Variants in ARHGEF6 observed in about 807,000 individuals in gnomAD.
ARHGEF6 encodes the protein rho guanine nucleotide exchange factor 6.
Under a neutral mutation model 70.3 loss-of-function variants are expected in ARHGEF6, and 9 were observed. The ratio of observed to expected loss-of-function variants is 0.13; its 90% CI spans 0.08 to 0.22. The LOEUF (loss-of-function observed/expected upper bound fraction) is 0.22, where lower values mean the gene tolerates loss of function less well. Among genes scored for constraint, ARHGEF6 ranks in the 10% least tolerant of loss-of-function variants. The pLI is 1.00. For missense variants in ARHGEF6, 470 were observed against 563.0 expected (o/e 0.83, Z 1.67); for synonymous variants, 201 against 207.8 (o/e 0.97, Z 0.28).
intron 6 of ARHGEF6, among the ~76,000 whole-genome samples, chrX:136,724,272 G>A (rs891688833): frequency 9.3e-6 from 1 of 108,056 alleles, no homozygotes; most frequent in East Asian, 2.9e-4. Flanking sequence ...TAGAAGCGGG[G>A]TTTCACCATA....
intron 7 of ARHGEF6, among the ~76,000 whole-genome samples, chrX:136,710,275 G>A (rs1471078497): frequency 1.7e-4 from 18 of 104,577 alleles, no homozygotes; most frequent in African/African-American, 6.2e-4. Flanking sequence ...CTGCACTCCA[G>A]CCTGGGGGTG....
chrX:136,725,427 G>C (rs1323900833), intron 6 of ARHGEF6, among the ~76,000 whole-genome samples: 3 of 108,370 alleles, frequency 2.8e-5, no homozygotes, highest in Non-Finnish European at 5.7e-5. Context: ...GCTGTGGTTG[G>C]ATGAGCAGGA....
At chrX:136,725,327 G>A (rs1433288781) in intron 6 of ARHGEF6, among the ~76,000 whole-genome samples, 2 of 109,084 alleles carry the variant, frequency 1.8e-5, no homozygotes, top group Non-Finnish European at 3.8e-5. Context: ...AAATTAAAAT[G>A]ACAAAAGTGG....
chrX:136,673,788 G>A (rs755019764), intron 19 of ARHGEF6, among the ~76,000 whole-genome samples: 29 of 111,146 alleles, frequency 2.6e-4, no homozygotes, highest in South Asian at 7.7e-4. Flanking sequence ...GGCCAAATGC[G>A]TCAACTTTCA....
chrX:136,775,675 T>C (rs1292570588), intron 2 of ARHGEF6, among the ~76,000 whole-genome samples: 1 of 111,380 alleles, frequency 9.0e-6, no homozygotes, highest in Non-Finnish European at 1.9e-5. Flanking sequence ...CTGTTCAACA[T>C]AGTCCTGGAA....
chrX:136,684,049 T>C (rs928757662), intron 12 of ARHGEF6, among the ~76,000 whole-genome samples: 2 of 112,301 alleles, frequency 1.8e-5, no homozygotes, highest in Non-Finnish European at 3.8e-5. Flanking sequence ...TTCTCTGCAT[T>C]GATCCATCCC....
intron 16 of ARHGEF6, among the ~76,000 whole-genome samples, chrX:136,679,129 C>A (rs1229575667): frequency 8.9e-6 from 1 of 112,320 alleles, no homozygotes; most frequent in Non-Finnish European, 1.9e-5. Context: ...TAACACTTTA[C>A]TAATTTGGTT....
chrX:136,765,133 C>A (rs1245376244), intron 2 of ARHGEF6, among the ~76,000 whole-genome samples: 2 of 111,658 alleles, frequency 1.8e-5, no homozygotes, highest in Non-Finnish European at 3.8e-5. Context: ...ATAATGAGTA[C>A]AATGCCACCT....
chrX:136,730,904 C>T (rs771730268), intron 6 of ARHGEF6, among the ~76,000 whole-genome samples: 1 of 111,304 alleles, frequency 9.0e-6, no homozygotes, highest in Non-Finnish European at 1.9e-5. Flanking sequence ...AGATCCAAAG[C>T]AGAGTGATGA....
Position 136,667,949 on chromosome X carries a change from T to G in ARHGEF6, c.*80A>C, listed in dbSNP as rs1199301172. ...AAACACAAAACAAAAGCCAAAGAAG[T>G]GAGCAAACTGAGTCAAATCATTCAG... On this transcript the variant is annotated 3_prime_UTR_variant, in exon 22 of 22. Coordinates refer to ENST00000250617, the MANE Select transcript of ARHGEF6 (RefSeq NM_004840.3). 1.1e-5 allele frequency: 13 copies of G among 1,147,046 alleles called. No individual in the cohort carries two copies. The highest frequency in any genetic ancestry group is 1.4e-5 in the Non-Finnish European group (12 of 841,293). The allele number at this position is 1,147,046 out of a possible 1,213,427, so 94.5% of individuals were successfully genotyped here.
intron 13 of ARHGEF6, among the ~76,000 whole-genome samples, chrX:136,682,376 C>A (rs1369298909): frequency 8.9e-6 from 1 of 112,051 alleles, no homozygotes; most frequent in Non-Finnish European, 1.9e-5. Context: ...AGTTTAATAA[C>A]ATGCTTCTTA....
At chrX:136,709,289 G>A (rs1053974372) in intron 7 of ARHGEF6, among the ~76,000 whole-genome samples, 1 of 110,920 alleles carries the variant, frequency 9.0e-6, no homozygotes, top group African/African-American at 3.3e-5. Context: ...TTCTGGAGTA[G>A]AGTGAAGTCA....
intron 6 of ARHGEF6, among the ~76,000 whole-genome samples, chrX:136,721,913 T>C (rs1459449631): frequency 5.4e-5 from 6 of 111,349 alleles, no homozygotes; most frequent in Non-Finnish European, 1.1e-4. Flanking sequence ...AAAAAATGCC[T>C]AGAGAGTGAA....
chrX:136,767,885 G>A, intron 2 of ARHGEF6: 10 of 651,281 alleles, frequency 1.5e-5, no homozygotes, highest in Non-Finnish European at 1.8e-5. Context: ...GGTAGCTGTG[G>A]CAGCAGCAAA....
intron 6 of ARHGEF6, among the ~76,000 whole-genome samples, chrX:136,725,373 C>A (rs762000703): frequency 1.1e-3 from 106 of 99,878 alleles, no homozygotes; most frequent in Middle Eastern, 5.0e-3. Flanking sequence ...GCCCCCCCCC[C>A]AAAAAAAAAC....
At chrX:136,676,533 A>T in intron 18 of ARHGEF6, 91 bp downstream of exon 18, 3 of 792,965 alleles carry the variant, frequency 3.8e-6, no homozygotes, top group Non-Finnish European at 5.7e-6. Flanking sequence ...AAATTGCTCC[A>T]ATCATCTGCT....
At position 136,690,709 on chromosome X, in the gene ARHGEF6, C is replaced by T. The variant is rs182524612; in HGVS notation, c.1086G>A (p.Ser362=). The T allele has an allele frequency of 8.3e-6, 10 of 1,208,438 alleles. No homozygotes were observed. In the Admixed American group the frequency reaches 1.1e-4, roughly 13 times the overall value. Residue 362 remains serine (S), a synonymous_variant, in exon 10 of 22, where the codon TCG becomes TCA. Coordinates refer to ENST00000250617, the MANE Select transcript of ARHGEF6 (RefSeq NM_004840.3). The part of the protein sequence containing the change: ...LEQFMENQGA[S]SPGILILTTN... ...TTGTTAAAATGAGGATACCTGGGCT[C>T]GATGCACCTTGATTTTCCATGAATT...
chrX:136,682,074 T>A lies in ARHGEF6; in HGVS notation c.1480-106A>T, dbSNP rs754161532. On this transcript the variant is annotated intron_variant, in intron 13 of 21. Transcript: ENST00000250617. ...AGCAAGGCAAAACTATGGCTAGACG[T>A]ATTTCTCCAGTCTGTCAATAGATAA... 3 of 602,185 alleles carry A rather than the reference T, an allele frequency of 5.0e-6. No individual in the cohort carries two copies. In the Admixed American group the frequency reaches 7.2e-5, roughly 14 times the overall value. The allele number at this position is 602,185 out of a possible 1,213,427, so 49.6% of individuals were successfully genotyped here.
At chrX:136,712,646 T>TA (rs1326449694) in intron 7 of ARHGEF6, among the ~76,000 whole-genome samples, 29 of 108,547 alleles carry the variant, frequency 2.7e-4, no homozygotes, top group South Asian at 2.3e-3. Flanking sequence ...CCTACAAGGA[T>TA]AAAAAAAAAA....
Sources: gnomAD v4.1 joint callset for allele counts (sites outside exome capture counted in the v4.1 genomes callset) on GRCh38, gnomAD v4.1.1 for gene constraint, MANE v1.5 for transcripts, NCBI Gene and HGNC (gene_info 2026-07-23, HGNC 2026-07-21) for gene names.